Variants in DST observed in about 807,000 individuals in gnomAD.
DST encodes bullous pemphigoid antigen.
In DST, 253 loss-of-function variants were observed where a neutral mutation model predicts 875.2. The observed-to-expected ratio is 0.29, with a 90% CI of 0.26 to 0.32. The LOEUF (loss-of-function observed/expected upper bound fraction) is 0.32. Ranked by LOEUF, DST falls within the 10% of genes least tolerant of loss-of-function variation. The pLI is 1.00. For synonymous variants in DST, 3,124 were observed against 3,197.1 expected, an observed-to-expected ratio of 0.98 and a Z score of 0.77; for missense variants, 8,287 against 9,111.6, an observed-to-expected ratio of 0.91 and a Z score of 3.68.
At chr6:56,913,018 T>C (rs1458547341) in intron 2 of DST, among the ~76,000 whole-genome samples, 2 of 152,228 alleles carry the variant, frequency 1.3e-5, no homozygotes, top group Admixed American at 6.5e-5. Flanking sequence ...TCTCTGGCAA[T>C]GTGAGCCTTT....
In DST at chr6:56,549,075, A is replaced by G. The variant is rs17830810; in HGVS notation, c.16608+3109T>C. ...TATTAACAGCTATTTCTTGAACTAT[A>G]GAAAGAAAAACAGAATCGGGGAAGT... is the stretch of plus-strand genomic sequence containing the variant. On this transcript the variant is annotated intron_variant, in intron 61 of 103. Coordinates refer to ENST00000680361, the MANE Select transcript of DST (RefSeq NM_001374736.1). 8.7e-3 allele frequency among the ~76,000 whole-genome samples: 1,325 copies of G among 152,312 alleles called. 60 individuals are homozygous for G. The East Asian group carries it at 0.14, about 16-fold the overall frequency.
At chr6:56,768,863 G>A in intron 4 of DST, among the ~76,000 whole-genome samples, 1 of 152,086 alleles carries the variant, frequency 6.6e-6, no homozygotes, top group Non-Finnish European at 1.5e-5. Flanking sequence ...GAGGTCAGGA[G>A]ATCAAGACCA....
intron 23 of DST, among the ~76,000 whole-genome samples, chr6:56,636,146 T>C (rs1345282314): frequency 6.6e-6 from 1 of 151,862 alleles, no homozygotes; most frequent in Non-Finnish European, 1.5e-5. Context: ...TCTTAAGAAT[T>C]TTTAAAGGAT....
intron 4 of DST, among the ~76,000 whole-genome samples, chr6:56,790,265 T>C (rs79509753): frequency 1.8e-4 from 27 of 152,294 alleles, no homozygotes; most frequent in Non-Finnish European, 3.1e-4. Context: ...CTATGATAGA[T>C]AGTAAGTTTT....
chr6:56,653,241 C>T (rs2098986016), intron 10 of DST, among the ~76,000 whole-genome samples: 1 of 152,260 alleles, frequency 6.6e-6, no homozygotes, highest in Non-Finnish European at 1.5e-5. Flanking sequence ...ACAAAAGCAG[C>T]TGTAGAATAC....
chr6:56,624,290 G>A (rs1400521919), intron 36 of DST: 2 of 624,186 alleles, frequency 3.2e-6, no homozygotes, highest in Non-Finnish European at 5.7e-6. Flanking sequence ...GAGTCCTGAA[G>A]TGAAAATGTA....
intron 4 of DST, among the ~76,000 whole-genome samples, chr6:56,829,565 C>T (rs555242421): frequency 2.6e-5 from 4 of 151,928 alleles, no homozygotes; most frequent in South Asian, 4.1e-4. Flanking sequence ...GTAGTTTCTA[C>T]AAAAAATTAA....
chr6:56,953,807 C>T lies in DST; in HGVS notation c.194G>A (p.Arg65Lys), dbSNP rs937693190. The change falls in exon 2 of 104, where the codon AGA becomes AAA. Residue 65 changes from arginine (R) to lysine (K), a missense_variant. Arg to Lys is a conservative substitution (Grantham distance 26). Around this residue, in one of 10 missense-constraint regions of DST, gnomAD observed 1,160 missense variants for 1,424.3 expected, o/e 0.81. Transcript: ENST00000680361. ...GRSRSRDAVL[R>K]SHHFRSEGFR... ...TACCTCAGAACGAAAGTGGTGCGAT[C>T]TCAAAACAGCATCTGGGGAGAAAAG... 3.0e-6 allele frequency: 4 copies of T among 1,315,540 alleles called. No homozygotes were observed. The East Asian group carries it at 2.1e-4, about 69-fold the overall frequency. 81.5% of individuals were successfully genotyped at this position (1,315,540 alleles called of 1,614,324 possible).
chr6:56,585,333 G>A (rs1480262621), intron 49 of DST, among the ~76,000 whole-genome samples: 1 of 152,166 alleles, frequency 6.6e-6, no homozygotes, highest in African/African-American at 2.4e-5. Context: ...GAGAGTGTAT[G>A]TGTCGAGGAA....
intron 2 of DST, among the ~76,000 whole-genome samples, chr6:56,946,266 T>C (rs1304249205): frequency 6.6e-6 from 1 of 152,114 alleles, no homozygotes; most frequent in African/African-American, 2.4e-5. Context: ...ATCAACTAAA[T>C]TAAAGACTGA....
At chr6:56,686,440 AT>A (rs1027762460) in intron 9 of DST, among the ~76,000 whole-genome samples, 18 of 152,174 alleles carry the variant, frequency 1.2e-4, no homozygotes, top group African/African-American at 3.9e-4. Context: ...AATCTTAAAT[AT>A]TTTTTTAAAT....
intron 9 of DST, among the ~76,000 whole-genome samples, chr6:56,694,118 T>C (rs570963461): frequency 6.6e-6 from 1 of 150,538 alleles, no homozygotes; most frequent in Non-Finnish European, 1.5e-5. Flanking sequence ...TTAAATATTA[T>C]ACAGTTTTTA....
intron 3 of DST, among the ~76,000 whole-genome samples, chr6:56,897,320 T>TTTTATTTA (rs59774915): frequency 3.0e-4 from 44 of 148,220 alleles, no homozygotes; most frequent in African/African-American, 9.7e-4. Context: ...GGGGGGTTGT[T>TTTTATTTA]TTTATTTATT....
Position 56,699,637 on chromosome 6 carries a change from G to A in DST, c.1047+16C>T. ...ACTAGCAATTAGATGCTGAAATTAA[G>A]AAAATTTGGGCTTACCTGAAAGTGC... On this transcript the variant is annotated intron_variant, in intron 9 of 103. Transcript: ENST00000680361. 1.4e-6 allele frequency: 2 copies of A among 1,413,682 alleles called. No individual in the cohort carries two copies. The highest frequency in any genetic ancestry group is 1.9e-6 in the Non-Finnish European group (2 of 1,040,292). The allele number at this position is 1,413,682 out of a possible 1,614,324, so 87.6% of individuals were successfully genotyped here.
At chr6:56,924,120 T>G (rs919831422) in intron 2 of DST, among the ~76,000 whole-genome samples, 1 of 151,666 alleles carries the variant, frequency 6.6e-6, no homozygotes, top group Non-Finnish European at 1.5e-5. Context: ...CAAGCCACCA[T>G]CTCAAAAAAA....
intron 4 of DST, among the ~76,000 whole-genome samples, chr6:56,768,478 T>G (rs2099640128): frequency 6.6e-6 from 1 of 152,192 alleles, no homozygotes; most frequent in African/African-American, 2.4e-5. Flanking sequence ...CTGGAACAAC[T>G]GGACATCTAT....
intron 4 of DST, among the ~76,000 whole-genome samples, chr6:56,760,087 A>G (rs1212826304): frequency 2.6e-5 from 4 of 152,246 alleles, no homozygotes; most frequent in Non-Finnish European, 4.4e-5. Flanking sequence ...CAAAAAAGAA[A>G]ATAACTTTGA....
chr6:56,601,388 C>T, intron 44 of DST, 55 bp downstream of exon 44: 1 of 1,202,036 alleles, frequency 8.3e-7, no homozygotes. Flanking sequence ...TGGGTATCTA[C>T]ATTATGGTTT....
chr6:56,628,166 G>A lies in DST; in HGVS notation c.4476-5C>T, dbSNP rs374983858. 6.2e-7 allele frequency: 1 copy of A among 1,612,878 alleles called. No individual in the cohort carries two copies. The highest frequency in any genetic ancestry group is 8.5e-7 in the Non-Finnish European group (1 of 1,178,978). On this transcript the variant is annotated splice_region_variant and splice_polypyrimidine_tract_variant and intron_variant, in intron 32 of 103. Coordinates refer to ENST00000680361, the MANE Select transcript of DST (RefSeq NM_001374736.1). ...ATGCCCTCTAAGTCCCGTAACCTAA[G>A]AGAATAGTAACCGAATAGTCACGGT...
Sources: allele counts gnomAD v4.1 joint callset (sites outside exome capture counted in the v4.1 genomes callset), GRCh38; gene constraint gnomAD v4.1.1; regional missense constraint gnomAD v4.1.1; transcripts MANE v1.5; gene names NCBI Gene and HGNC (gene_info 2026-07-23, HGNC 2026-07-21).